The following ERC1 variants were observed in gnomAD, a reference collection of about 807,000 sequenced individuals.
ERC1 encodes the protein RAB6 interacting protein 2.
A neutral mutation model predicts 132.0 loss-of-function variants in ERC1; 56 were observed. The observed-to-expected ratio is 0.42, with a 90% CI of 0.34 to 0.53. ERC1 has a LOEUF of 0.53. Among genes scored for constraint, ERC1 ranks in the 20% least tolerant of loss-of-function variants. The pLI, the probability that ERC1 is intolerant of heterozygous loss-of-function variation, is 0.03. For synonymous variants in ERC1, 478 were observed against 476.1 expected (o/e 1.00, Z -0.05); for missense variants, 1,202 against 1,349.9 (o/e 0.89, Z 1.72).
At chr12:1,446,542 CTTTCTA>C (rs1238676054) in intron 18 of ERC1, among the ~76,000 whole-genome samples, 1 of 152,160 alleles carries the variant, frequency 6.6e-6, no homozygotes, top group Non-Finnish European at 1.5e-5. Flanking sequence ...TAGCTAAATA[CTTTCTA>C]TTTCTTAAAT....
chr12:1,216,783 T>C (rs1356529048), intron 12 of ERC1, among the ~76,000 whole-genome samples: 3 of 152,160 alleles, frequency 2.0e-5, no homozygotes, highest in South Asian at 2.1e-4. Flanking sequence ...GTCTGACTTC[T>C]ACCAAGAAGG....
At chr12:1,142,119 G>T (rs944037535) in intron 8 of ERC1, among the ~76,000 whole-genome samples, 5 of 152,052 alleles carry the variant, frequency 3.3e-5, no homozygotes, top group Non-Finnish European at 7.4e-5. Context: ...TTTAGTACAT[G>T]GACTTGGGAT....
chr12:1,484,227 C>T (rs991588309), intron 18 of ERC1, among the ~76,000 whole-genome samples: 9 of 151,776 alleles, frequency 5.9e-5, no homozygotes, highest in Non-Finnish European at 2.9e-5. Context: ...ATGGTGTGAA[C>T]CTGGGATGTG....
chr12:1,100,694 G>A (rs1471818740), intron 3 of ERC1, among the ~76,000 whole-genome samples: 1 of 152,206 alleles, frequency 6.6e-6, no homozygotes, highest in South Asian at 2.1e-4. Flanking sequence ...GGCAGGATGA[G>A]TGAAGCAAGT....
At chr12:1,473,126 A>C (rs1053692913) in intron 18 of ERC1, among the ~76,000 whole-genome samples, 1 of 152,128 alleles carries the variant, frequency 6.6e-6, no homozygotes, top group African/African-American at 2.4e-5. Context: ...CCTGGGTTCA[A>C]GCAGTTCTCC....
chr12:1,489,975 T>A, intron 18 of ERC1, 118 bp from the exon 19 acceptor site: 1 of 1,144,502 alleles, frequency 8.7e-7, no homozygotes, highest in Admixed American at 2.3e-5. Flanking sequence ...ATGGTTAATT[T>A]TGATGCAGAG....
At chr12:1,351,065 C>A (rs1042258553) in intron 15 of ERC1, among the ~76,000 whole-genome samples, 1 of 152,176 alleles carries the variant, frequency 6.6e-6, no homozygotes, top group African/African-American at 2.4e-5. Flanking sequence ...TCCCATCAGG[C>A]CCCACCTCCC....
At chr12:1,408,038 C>A (rs773838401) in intron 16 of ERC1, 111 bp from the exon 17 acceptor site, 26 of 683,354 alleles carry the variant, frequency 3.8e-5, no homozygotes, top group Non-Finnish European at 5.7e-5. Flanking sequence ...TATTTTATTG[C>A]AGACAGGATT....
intron 1 of ERC1, among the ~76,000 whole-genome samples, chr12:999,229 G>A (rs929419295): frequency 5.9e-5 from 9 of 151,978 alleles, no homozygotes; most frequent in Admixed American, 5.2e-4. Flanking sequence ...CTTTCTCATC[G>A]CTTTCTATTT....
chr12:1,194,137 T>G (rs1594115560), intron 12 of ERC1, among the ~76,000 whole-genome samples: 1 of 152,156 alleles, frequency 6.6e-6, no homozygotes, highest in East Asian at 1.9e-4. Flanking sequence ...ATACTTAGAG[T>G]GGCTGGGTGC....
chr12:1,164,010 T>G (rs1952121644), intron 8 of ERC1, among the ~76,000 whole-genome samples: 1 of 152,178 alleles, frequency 6.6e-6, no homozygotes. Flanking sequence ...CCACCATGTC[T>G]GACCTACATG....
At chr12:1,185,700 C>G (rs1955003930) in intron 11 of ERC1, among the ~76,000 whole-genome samples, 1 of 149,606 alleles carries the variant, frequency 6.7e-6, no homozygotes, top group Non-Finnish European at 1.5e-5. Flanking sequence ...ACCTTCTCAC[C>G]TCTCCCTTCC....
chr12:1,495,707 CAGT>C lies in ERC1; in HGVS notation c.*5480_*5482del, dbSNP rs1240270820. 1 of 224,492 alleles carries C rather than the reference CAGT, an allele frequency of 4.5e-6. No individual in the cohort carries two copies. The highest frequency in any genetic ancestry group is 8.9e-6 in the Non-Finnish European group (1 of 112,562). 13.9% of individuals were successfully genotyped at this position (224,492 alleles called of 1,614,324 possible). A position where few individuals can be genotyped will look rare whatever the true frequency, so the allele number is the denominator to read the frequency against. On this transcript the variant is annotated 3_prime_UTR_variant, in exon 19 of 19. Transcript: ENST00000360905. ...TTGTAGCTTGAGTTCCTTTTGGTAA[CAGT>C]AGCAGCCTCCATGGTGGTGTCTGGG...
intron 18 of ERC1, among the ~76,000 whole-genome samples, chr12:1,476,433 AAAAG>A (rs1205530821): frequency 2.0e-5 from 3 of 152,194 alleles, no homozygotes; most frequent in African/African-American, 7.2e-5. Context: ...CAAAAGAAAA[AAAAG>A]AAAGAAAAAA....
intron 14 of ERC1, among the ~76,000 whole-genome samples, chr12:1,264,143 A>G (rs1189633179): frequency 2.0e-5 from 3 of 152,236 alleles, no homozygotes; most frequent in Non-Finnish European, 2.9e-5. Context: ...GAAACCATGC[A>G]CTTGAGTCCC....
At chr12:1,011,568 A>T (rs1964690884) in intron 1 of ERC1, among the ~76,000 whole-genome samples, 1 of 152,228 alleles carries the variant, frequency 6.6e-6, no homozygotes, top group Non-Finnish European at 1.5e-5. Flanking sequence ...ACTATTAGGA[A>T]AAAACTAGGT....
intron 12 of ERC1, among the ~76,000 whole-genome samples, chr12:1,200,807 C>T (rs886336445): frequency 3.3e-5 from 5 of 152,172 alleles, no homozygotes; most frequent in African/African-American, 1.2e-4. Flanking sequence ...ATCCGCCCGC[C>T]TCGGCCTCCC....
At chr12:1,225,204 ATC>A (rs2074460061) in intron 12 of ERC1, among the ~76,000 whole-genome samples, 1 of 151,934 alleles carries the variant, frequency 6.6e-6, no homozygotes, top group South Asian at 2.1e-4. Flanking sequence ...CACACCTGTA[ATC>A]TCAGCAACTC....
At chr12:1,068,011 A>G (rs544107430) in intron 2 of ERC1, among the ~76,000 whole-genome samples, 6 of 145,672 alleles carry the variant, frequency 4.1e-5, no homozygotes, top group African/African-American at 1.3e-4. Flanking sequence ...AGCTCACTGC[A>G]GCATCCACCT....
Sources: gnomAD v4.1 joint callset for allele counts (sites outside exome capture counted in the v4.1 genomes callset) on GRCh38, gnomAD v4.1.1 for gene constraint, MANE v1.5 for transcripts, NCBI Gene and HGNC (gene_info 2026-07-23, HGNC 2026-07-21) for gene names.